The following F11R variants were observed in gnomAD, a reference collection of about 807,000 sequenced individuals.
F11R encodes the protein F11 receptor.
A neutral mutation model predicts 39.3 loss-of-function variants in F11R; 27 were observed. That is an observed-to-expected ratio of 0.69 (90% CI 0.51 to 0.95). F11R has a LOEUF of 0.95. F11R is among the 40% of genes least tolerant of loss of function. F11R has a pLI of 0.00. For synonymous variants in F11R, 131 were observed against 144.9 expected, an observed-to-expected ratio of 0.90 and a Z score of 0.69; for missense variants, 335 against 372.7, an observed-to-expected ratio of 0.90 and a Z score of 0.83.
chr1:161,000,990 G>C, intron 3 of F11R, 30 bp downstream of exon 3: 1 of 1,577,348 alleles, frequency 6.3e-7, no homozygotes, highest in Non-Finnish European at 8.7e-7. Flanking sequence ...CCACAACCTA[G>C]GCAATCAGGA....
intron 7 of F11R, 94 bp downstream of exon 7, chr1:160,999,546 G>A: frequency 1.3e-5 from 20 of 1,501,948 alleles, no homozygotes; most frequent in Non-Finnish European, 8.3e-6. Context: ...CCACACACAT[G>A]AGCACAGTAT....
At chr1:161,000,375 T>G in intron 4 of F11R, 27 bp from the exon 5 acceptor site, 1 of 1,609,344 alleles carries the variant, frequency 6.2e-7, no homozygotes, top group Non-Finnish European at 8.5e-7. Context: ...CAGAAGGTGC[T>G]GAGTACAGGG....
Position 160,998,336 on chromosome 1 carries a change from C to T in F11R, c.*535G>A, listed in dbSNP as rs1648247725. 2 of 165,734 alleles carry T rather than the reference C, an allele frequency of 1.2e-5. No individual in the cohort carries two copies. Among genetic ancestry groups the T allele is most frequent in the Admixed American group, 1.1e-4 (2 of 17,454 alleles). 10.3% of individuals were successfully genotyped at this position (165,734 alleles called of 1,614,324 possible). ...ACAGGGCAGAGGGATCCCAGTGGCACTTCCCATGGGAAGACAGAAGAGAGT... is the reference window on the plus strand; with the variant it reads ...ACAGGGCAGAGGGATCCCAGTGGCATTTCCCATGGGAAGACAGAAGAGAGT... On this transcript the variant is annotated 3_prime_UTR_variant, in exon 10 of 10. Transcript: ENST00000368026.
chr1:161,006,885 C>CT (rs1648847778), intron 1 of F11R, among the ~76,000 whole-genome samples: 1 of 152,230 alleles, frequency 6.6e-6, no homozygotes, highest in Non-Finnish European at 1.5e-5. Flanking sequence ...CAGCTCTAGG[C>CT]TGGGTGCGGT....
intron 1 of F11R, among the ~76,000 whole-genome samples, chr1:161,011,966 T>C (rs139437451): frequency 6.6e-6 from 1 of 152,350 alleles, no homozygotes; most frequent in African/African-American, 2.4e-5. Flanking sequence ...TTCTCGTCTA[T>C]GCTCCTAAAA....
intron 1 of F11R, among the ~76,000 whole-genome samples, chr1:161,019,643 A>G (rs575204890): frequency 6.6e-6 from 1 of 151,916 alleles, no homozygotes; most frequent in East Asian, 1.9e-4. Flanking sequence ...AGCTAGTGGG[A>G]AAGTAAGTTT....
chr1:160,999,219 G>GA (rs869027200), intron 8 of F11R, 128 bp from the exon 9 acceptor site: 2 of 1,289,848 alleles, frequency 1.6e-6, no homozygotes, highest in African/African-American at 6.5e-5. Context: ...AGGTATGGGT[G>GA]GGGTAACAGG....
intron 1 of F11R, among the ~76,000 whole-genome samples, chr1:161,015,405 A>ATAT (rs1329400158): frequency 1.6e-4 from 22 of 133,606 alleles, no homozygotes; most frequent in East Asian, 6.1e-4. Flanking sequence ...CTCAAAAAAA[A>ATAT]AAATATATAT....
rs1179419112 is a variant in F11R, at chr1:160,995,923, A to G, written c.*2948T>C. The G allele has an allele frequency of 6.6e-6, 1 of 152,384 alleles. No individual in the cohort carries two copies. The highest frequency in any genetic ancestry group is 1.5e-5 in the Non-Finnish European group (1 of 68,042). The allele number at this position is 152,384 out of a possible 1,614,324, so 9.4% of individuals were successfully genotyped here. The stretch of plus-strand genomic sequence containing the variant: ...AATCATTTTATCCCAGATTATGCTG[A>G]GTTCATGTCTCAGGGGAAACACCAA... On this transcript the variant is annotated 3_prime_UTR_variant, in exon 10 of 10. Coordinates refer to ENST00000368026, the MANE Select transcript of F11R (RefSeq NM_016946.6).
rs961235648 is a variant in F11R, at chr1:160,995,998, T to C, written c.*2873A>G. On this transcript the variant is annotated 3_prime_UTR_variant, in exon 10 of 10. Transcript: ENST00000368026. ...TTATCCCCTAAATGTCACTTTAACA[T>C]AGGAAATGTCCATTGTGGGGTTATT... The C allele has an allele frequency of 2.8e-4, 42 of 152,292 alleles. No individual in the cohort carries two copies. Among genetic ancestry groups the C allele is most frequent in the African/African-American group, 9.7e-4 (40 of 41,446 alleles). The allele number at this position is 152,292 out of a possible 1,614,324, so 9.4% of individuals were successfully genotyped here. A position where few individuals can be genotyped will look rare whatever the true frequency, so the allele number is the denominator to read the frequency against.
chr1:161,000,373 G>A, intron 4 of F11R, 25 bp from the exon 5 acceptor site: 5 of 1,609,284 alleles, frequency 3.1e-6, no homozygotes, highest in Non-Finnish European at 4.2e-6. Context: ...GACAGAAGGT[G>A]CTGAGTACAG....
intron 1 of F11R, among the ~76,000 whole-genome samples, chr1:161,017,363 C>T (rs571530494): frequency 1.3e-5 from 2 of 152,164 alleles, no homozygotes; most frequent in African/African-American, 2.4e-5. Context: ...TGGAATGTCT[C>T]GGTATAAAAC....
rs1180465661 is a variant in F11R at position 160,995,823 on chromosome 1, T to C, written c.*3048A>G. ...ATGGCAATCATTACACAAATGTATG[T>C]GCATATCAAACCATGTTGTATACTT... is the stretch of plus-strand genomic sequence containing the variant. On this transcript the variant is annotated 3_prime_UTR_variant, in exon 10 of 10. Coordinates refer to ENST00000368026, the MANE Select transcript of F11R (RefSeq NM_016946.6). The C allele has an allele frequency of 6.6e-6, 1 of 151,956 alleles. No individual in the cohort carries two copies. Among genetic ancestry groups the C allele is most frequent in the Non-Finnish European group, 1.5e-5 (1 of 67,994 alleles). The allele number at this position is 151,956 out of a possible 1,614,324, so 9.4% of individuals were successfully genotyped here.
At chr1:161,015,854 A>G (rs1649436528) in intron 1 of F11R, among the ~76,000 whole-genome samples, 1 of 152,160 alleles carries the variant, frequency 6.6e-6, no homozygotes, top group African/African-American at 2.4e-5. Context: ...TGGGGTGAAC[A>G]GGAGCAACAT....
At chr1:161,014,044 G>A (rs777056508) in intron 1 of F11R, among the ~76,000 whole-genome samples, 16 of 152,220 alleles carry the variant, frequency 1.1e-4, no homozygotes, top group Non-Finnish European at 2.2e-4. Context: ...CTCAATGCCA[G>A]GAAAACCCTA....
chr1:161,004,143 G>A (rs115419855), intron 1 of F11R, among the ~76,000 whole-genome samples: 510 of 152,012 alleles, frequency 3.4e-3, no homozygotes, highest in Non-Finnish European at 5.2e-3. Flanking sequence ...CTGGGTTCTT[G>A]CTACATTGCC....
intron 4 of F11R, 94 bp downstream of exon 4, chr1:161,000,537 G>A (rs1356314904): frequency 6.4e-7 from 1 of 1,552,860 alleles, no homozygotes. Flanking sequence ...CCCACCTGTG[G>A]GTATTCTCAC....
At position 160,999,906 on chromosome 1, in the gene F11R, T is replaced by C. The variant is rs1648364878; in HGVS notation, c.664A>G (p.Met222Val). 6.2e-7 allele frequency: 1 copy of C among 1,614,202 alleles called. No homozygotes were observed. The highest frequency in any genetic ancestry group is 8.5e-7 in the Non-Finnish European group (1 of 1,180,024). Residue 222 changes from methionine to valine, a missense_variant, in exon 6 of 10, where the codon ATG (methionine) becomes GTG (valine). Coordinates refer to ENST00000368026, the MANE Select transcript of F11R (RefSeq NM_016946.6). Reference sequence around the variant, plus strand: ...TCCATGCGCACAGCATTTGAAGTCATGGGTGTCCCATACCCATTCCGTGCC... The same window carrying C: ...TCCATGCGCACAGCATTTGAAGTCACGGGTGTCCCATACCCATTCCGTGCC... Reference protein sequence around the residue: ...CEARNGYGTPMTSNAVRMEAV... With the variant: ...CEARNGYGTPVTSNAVRMEAV...
In F11R at chr1:161,002,132, C is replaced by T. The variant is rs193176289; in HGVS notation, c.65-779G>A. On this transcript the variant is annotated intron_variant, in intron 1 of 9. Coordinates refer to ENST00000368026, the MANE Select transcript of F11R (RefSeq NM_016946.6). ...TACAAAAATTAGCCAGGCATGGTGG[C>T]ACACCTGTAGTCCCAGCTACTTGGG... 2.2e-4 allele frequency among the ~76,000 whole-genome samples: 34 copies of T among 152,036 alleles called. 1 individual carries two copies. The highest frequency in any genetic ancestry group is 8.2e-4 in the African/African-American group (34 of 41,480).
Sources: allele counts gnomAD v4.1 joint callset (sites outside exome capture counted in the v4.1 genomes callset), GRCh38; gene constraint gnomAD v4.1.1; transcripts MANE v1.5; gene names NCBI Gene and HGNC (gene_info 2026-07-23, HGNC 2026-07-21).